MDGA2: variants seen among roughly 807,000 people sequenced by gnomAD.
MDGA2 encodes the protein MAM domain containing glycosylphosphatidylinositol anchor 2.
In MDGA2, 40 loss-of-function variants were observed where a neutral mutation model predicts 117.8. The ratio of observed to expected loss-of-function variants is 0.34; its 90% confidence interval spans 0.26 to 0.44. The LOEUF (loss-of-function observed/expected upper bound fraction) is 0.44, where lower values mean the gene tolerates loss of function less well. Among genes scored for constraint, MDGA2 ranks in the 20% least tolerant of loss-of-function variants. The pLI, the probability that MDGA2 is intolerant of heterozygous loss-of-function variation, is 1.00. For missense variants in MDGA2, 1,123 were observed against 1,250.6 expected (o/e 0.90, Z 1.54); for synonymous variants, 452 against 439.0 (o/e 1.03, Z -0.37).
intron 3 of MDGA2, among the ~76,000 whole-genome samples, chr14:47,152,306 A>G (rs1314938184): frequency 2.6e-5 from 4 of 152,200 alleles, no homozygotes; most frequent in East Asian, 3.9e-4. Context: ...ACTTTGCAAT[A>G]TTTTTTTGAG....
intron 1 of MDGA2, among the ~76,000 whole-genome samples, chr14:47,368,139 G>A (rs1045335411): frequency 2.6e-5 from 4 of 151,810 alleles, no homozygotes; most frequent in African/African-American, 7.3e-5. Context: ...AAAATTAGCC[G>A]GGAGTGGTGG....
intron 1 of MDGA2, among the ~76,000 whole-genome samples, chr14:47,440,630 A>G (rs961161842): frequency 6.6e-6 from 1 of 151,864 alleles, no homozygotes; most frequent in African/African-American, 2.4e-5. Flanking sequence ...AATAAAGAAA[A>G]GCTAAAATAA....
At chr14:47,576,620 G>A (rs1388766899) in intron 1 of MDGA2, among the ~76,000 whole-genome samples, 2 of 152,206 alleles carry the variant, frequency 1.3e-5, no homozygotes, top group East Asian at 3.8e-4. Flanking sequence ...GTTTATTACT[G>A]TGGGTGAAGA....
intron 7 of MDGA2, chr14:47,059,353 A>G (rs1223709288): frequency 2.4e-6 from 3 of 1,258,942 alleles, no homozygotes; most frequent in Non-Finnish European, 3.1e-6. Flanking sequence ...AGAAGTCAAT[A>G]TATTTCTTTT....
chr14:47,158,001 A>G (rs1490603674), intron 3 of MDGA2, among the ~76,000 whole-genome samples: 3 of 99,524 alleles, frequency 3.0e-5, no homozygotes, highest in Non-Finnish European at 6.5e-5. Context: ...CTAATACAGT[A>G]TCTATACACA....
intron 9 of MDGA2, among the ~76,000 whole-genome samples, chr14:46,942,086 A>G (rs1384685830): frequency 6.6e-6 from 1 of 152,170 alleles, no homozygotes; most frequent in East Asian, 1.9e-4. Context: ...TTGATGTAAC[A>G]TTCGCTGTCT....
chr14:47,167,933 C>T (rs1180266611), intron 3 of MDGA2, among the ~76,000 whole-genome samples: 1 of 152,134 alleles, frequency 6.6e-6, no homozygotes. Flanking sequence ...AGCTGCATCT[C>T]TTTTATTGCA....
intron 1 of MDGA2, among the ~76,000 whole-genome samples, chr14:47,449,572 A>T (rs985248131): frequency 6.6e-6 from 1 of 152,176 alleles, no homozygotes; most frequent in Non-Finnish European, 1.5e-5. Flanking sequence ...ACAGACAGTT[A>T]AACACACTTA....
At chr14:47,332,552 A>G (rs1184937670) in intron 1 of MDGA2, among the ~76,000 whole-genome samples, 1 of 143,812 alleles carries the variant, frequency 7.0e-6, no homozygotes, top group Non-Finnish European at 1.6e-5. Context: ...GATGTAAAGC[A>G]CTTAAAAAAA....
chr14:47,363,233 T>C (rs1891161486), intron 1 of MDGA2, among the ~76,000 whole-genome samples: 1 of 152,128 alleles, frequency 6.6e-6, no homozygotes. Context: ...AAATTATTTA[T>C]TTATTTATGT....
In MDGA2 at chr14:47,170,899, T is replaced by C. The variant is rs760454103; in HGVS notation, c.596-26625A>G. Among the ~76,000 whole-genome samples the C allele has an allele frequency of 2.8e-4, 42 of 152,246 alleles. 1 individual carries two copies. Among genetic ancestry groups the C allele is most frequent in the South Asian group, 1.9e-3 (9 of 4,824 alleles). ...TAAGTTAACGACGTGAACAAAAGGA[T>C]GTGATTTTTTAATTGACATAAACTT... is the stretch of plus-strand genomic sequence containing the variant. On this transcript the variant is annotated intron_variant, in intron 3 of 16. Transcript: ENST00000399232.
chr14:47,179,460 T>C (rs1884611645), intron 3 of MDGA2, among the ~76,000 whole-genome samples: 1 of 152,068 alleles, frequency 6.6e-6, no homozygotes, highest in East Asian at 1.9e-4. Flanking sequence ...AACTATTATA[T>C]ATTTGTGAAG....
At position 46,884,413 on chromosome 14, in the gene MDGA2, C is replaced by G. The variant is rs1337927915; in HGVS notation, c.2239-2192G>C. On this transcript the variant is annotated intron_variant, in intron 10 of 16. Coordinates refer to ENST00000399232, the MANE Select transcript of MDGA2 (RefSeq NM_001113498.3). This position sits in a 1 kb window ranked among gnomAD's most constrained non-coding sequence, Gnocchi z 4.1. ...CATACACATGTACACATTATATGCA[C>G]AGGTACACACACATACACATATCAC... 1.3e-5 allele frequency among the ~76,000 whole-genome samples: 2 copies of G among 152,190 alleles called. No homozygotes were observed. Among genetic ancestry groups the G allele is most frequent in the East Asian group, 3.9e-4 (2 of 5,178 alleles).
At chr14:47,348,273 C>G (rs1409484958) in intron 1 of MDGA2, among the ~76,000 whole-genome samples, 1 of 149,976 alleles carries the variant, frequency 6.7e-6, no homozygotes, top group African/African-American at 2.5e-5. Context: ...CTGGAGTGCA[C>G]TGGTGTGATC....
chr14:47,632,905 T>A (rs1223029458), intron 1 of MDGA2, among the ~76,000 whole-genome samples: 3 of 152,180 alleles, frequency 2.0e-5, no homozygotes, highest in Non-Finnish European at 4.4e-5. Context: ...TATCATTTCT[T>A]ACAGTGTGAA....
intron 2 of MDGA2, among the ~76,000 whole-genome samples, chr14:47,225,106 A>C (rs1220787084): frequency 1.3e-5 from 2 of 152,268 alleles, no homozygotes; most frequent in East Asian, 3.9e-4. Context: ...TCAAAACCAC[A>C]ATGAGATACC....
chr14:47,147,134 T>C (rs1252191420), intron 3 of MDGA2, among the ~76,000 whole-genome samples: 1 of 151,700 alleles, frequency 6.6e-6, no homozygotes, highest in Non-Finnish European at 1.5e-5. Context: ...TGTTTGTGTG[T>C]GCCCACATGT....
intron 3 of MDGA2, among the ~76,000 whole-genome samples, chr14:47,180,692 G>T (rs1241068958): frequency 6.6e-6 from 1 of 152,110 alleles, no homozygotes; most frequent in East Asian, 1.9e-4. Flanking sequence ...CCTTTGGGAG[G>T]CCAGTGGATC....
At chr14:47,563,590 T>G (rs979098143) in intron 1 of MDGA2, among the ~76,000 whole-genome samples, 9 of 78,892 alleles carry the variant, frequency 1.1e-4, no homozygotes, top group African/African-American at 2.6e-4. Flanking sequence ...TTTTTTTTTT[T>G]TTTTTTTTTT....
Sources: gnomAD v4.1 joint callset for allele counts (sites outside exome capture counted in the v4.1 genomes callset) on GRCh38, gnomAD v4.1.1 for gene constraint, Gnocchi (gnomAD v3.1) non-coding constraint, MANE v1.5 for transcripts, NCBI Gene and HGNC (gene_info 2026-07-23, HGNC 2026-07-21) for gene names.